RBFOX1: variants seen among roughly 807,000 people sequenced by gnomAD.
RBFOX1 encodes RNA binding fox-1 homolog 1, also known as RNA binding protein fox-1 homolog 1.
Under a neutral mutation model 57.7 loss-of-function variants are expected in RBFOX1, and 8 were observed. That is an observed-to-expected ratio of 0.14 (90% CI 0.08 to 0.25). RBFOX1 has a LOEUF of 0.25. Among genes scored for constraint, RBFOX1 ranks in the 10% least tolerant of loss-of-function variants. The pLI, the probability that RBFOX1 is intolerant of heterozygous loss-of-function variation, is 1.00. For missense variants in RBFOX1, 611 were observed against 548.5 expected (o/e 1.11, Z -1.14); for synonymous variants, 326 against 222.4 (o/e 1.47, Z -4.15).
At chr16:6,081,408 A>G (rs2095999871) in intron 1 of RBFOX1, among the ~76,000 whole-genome samples, 1 of 152,038 alleles carries the variant, frequency 6.6e-6, no homozygotes, top group South Asian at 2.1e-4. Flanking sequence ...GGGAATGTGA[A>G]TTTGCCTACA....
At chr16:6,875,216 T>C (rs2061621232) in intron 3 of RBFOX1, among the ~76,000 whole-genome samples, 1 of 152,240 alleles carries the variant, frequency 6.6e-6, no homozygotes. Flanking sequence ...TTGATGATGA[T>C]GATATTATCA....
intron 4 of RBFOX1, among the ~76,000 whole-genome samples, chr16:7,226,865 G>A (rs1362835934): frequency 6.6e-6 from 1 of 152,172 alleles, no homozygotes; most frequent in Non-Finnish European, 1.5e-5. Context: ...CAGGCTCACA[G>A]GCAAATGGAC....
chr16:5,995,911 A>C (rs1208111573), intron 4 of RBFOX1, among the ~76,000 whole-genome samples: 1 of 152,194 alleles, frequency 6.6e-6, no homozygotes, highest in African/African-American at 2.4e-5. Flanking sequence ...GAGGGCTGGG[A>C]AGTCCAAGAC....
intron 3 of RBFOX1, among the ~76,000 whole-genome samples, chr16:5,696,094 G>T (rs2050834929): frequency 6.6e-6 from 1 of 152,110 alleles, no homozygotes; most frequent in African/African-American, 2.4e-5. Flanking sequence ...TTACAGAGAA[G>T]AATATAGTGA....
At chr16:7,126,454 C>G (rs749103550) in intron 4 of RBFOX1, 2 of 229,052 alleles carry the variant, frequency 8.7e-6, no homozygotes, top group South Asian at 6.9e-5. Context: ...TTGGGAAGCA[C>G]AAAGGCATCG....
intron 6 of RBFOX1, among the ~76,000 whole-genome samples, chr16:7,584,372 A>G (rs1453817764): frequency 6.6e-6 from 1 of 152,122 alleles, no homozygotes; most frequent in Non-Finnish European, 1.5e-5. Context: ...GGTTCACTGC[A>G]ACCTCCACCT....
At chr16:6,744,483 A>G (rs1380245783) in intron 3 of RBFOX1, among the ~76,000 whole-genome samples, 3 of 152,118 alleles carry the variant, frequency 2.0e-5, no homozygotes, top group Non-Finnish European at 2.9e-5. Flanking sequence ...ATTTAAGAGA[A>G]TTGAAGTTAT....
At chr16:6,857,277 A>G (rs1392154740) in intron 3 of RBFOX1, among the ~76,000 whole-genome samples, 2 of 152,188 alleles carry the variant, frequency 1.3e-5, no homozygotes, top group Non-Finnish European at 2.9e-5. Flanking sequence ...TCGCAAACTT[A>G]TTAGGAAGAA....
chr16:5,369,365 G>C (rs986905670), intron 1 of RBFOX1, among the ~76,000 whole-genome samples: 41 of 152,150 alleles, frequency 2.7e-4, no homozygotes, highest in African/African-American at 9.4e-4. Context: ...CTTTATCCTC[G>C]TGATGTCTCT....
intron 3 of RBFOX1, among the ~76,000 whole-genome samples, chr16:7,025,250 C>G (rs2040541270): frequency 6.6e-6 from 1 of 152,088 alleles, no homozygotes; most frequent in Non-Finnish European, 1.5e-5. Context: ...TAGGGTAACT[C>G]TGTGATGTTG....
intron 4 of RBFOX1, among the ~76,000 whole-genome samples, chr16:7,315,735 C>A (rs1015275997): frequency 6.6e-6 from 1 of 151,876 alleles, no homozygotes; most frequent in Admixed American, 6.6e-5. Flanking sequence ...AAGCAGGTGT[C>A]CAGCAAATGC....
chr16:7,278,144 T>G (rs1474158000), intron 4 of RBFOX1, among the ~76,000 whole-genome samples: 3 of 152,158 alleles, frequency 2.0e-5, no homozygotes, highest in Non-Finnish European at 4.4e-5. Flanking sequence ...AATTGTAAGG[T>G]AAATTCTGTG....
rs533976003 is a variant in RBFOX1, at chr16:5,605,673, G to C, written c.318+6712G>C. 2.6e-5 allele frequency among the ~76,000 whole-genome samples: 4 copies of C among 152,076 alleles called. No homozygotes were observed. In the South Asian group the frequency reaches 8.4e-4, roughly 32 times the overall value. On this transcript the variant is annotated intron_variant, in intron 3 of 19. Coordinates refer to the RBFOX1 transcript ENST00000641259. Reference sequence around the variant, plus strand: ...TAAGTCTGCCTTGAGTCTAGGAGGGGAGAGTGTTGTCCTTGATGAGTAATG... The same window carrying C: ...TAAGTCTGCCTTGAGTCTAGGAGGGCAGAGTGTTGTCCTTGATGAGTAATG...
intron 3 of RBFOX1, among the ~76,000 whole-genome samples, chr16:5,829,740 T>C (rs1425717107): frequency 6.6e-6 from 1 of 152,198 alleles, no homozygotes; most frequent in African/African-American, 2.4e-5. Context: ...TTATTTGTTA[T>C]TTCCACTCAT....
chr16:6,435,874 T>C (rs1257625492), intron 2 of RBFOX1, among the ~76,000 whole-genome samples: 1 of 152,124 alleles, frequency 6.6e-6, no homozygotes, highest in Non-Finnish European at 1.5e-5. Context: ...ATTCCAATGT[T>C]CCATACATTT....
At chr16:5,957,351 A>G (rs2059663715) in intron 4 of RBFOX1, among the ~76,000 whole-genome samples, 1 of 151,920 alleles carries the variant, frequency 6.6e-6, no homozygotes, top group Non-Finnish European at 1.5e-5. Context: ...AGTAGCTGGG[A>G]TTATAGGCAT....
At chr16:7,689,450 A>G (rs558616435) in intron 14 of RBFOX1, among the ~76,000 whole-genome samples, 1 of 152,116 alleles carries the variant, frequency 6.6e-6, no homozygotes, top group Non-Finnish European at 1.5e-5. Context: ...TCTGCTACCT[A>G]CAGAACAGTG....
chr16:5,550,676 G>A (rs1389831908), intron 2 of RBFOX1, among the ~76,000 whole-genome samples: 3 of 152,128 alleles, frequency 2.0e-5, no homozygotes, highest in African/African-American at 7.2e-5. Context: ...AGCAAATAAA[G>A]CAGACAAAGC....
chr16:7,275,890 G>C (rs1246294730), intron 4 of RBFOX1, among the ~76,000 whole-genome samples: 1 of 152,118 alleles, frequency 6.6e-6, no homozygotes, highest in Non-Finnish European at 1.5e-5. Flanking sequence ...CAGCCCCAGG[G>C]GTTGCTGTAA....
Sources: gnomAD v4.1 joint callset for allele counts (sites outside exome capture counted in the v4.1 genomes callset) on GRCh38, gnomAD v4.1.1 for gene constraint, MANE v1.5 for transcripts, NCBI Gene and HGNC (gene_info 2026-07-23, HGNC 2026-07-21) for gene names.